Variants in TYMP observed in about 807,000 individuals in gnomAD.
The protein encoded by TYMP is gliostatin.
Under a neutral mutation model 42.3 loss-of-function variants are expected in TYMP, and 46 were observed. That is an observed-to-expected ratio of 1.09 (90% CI 0.86 to 1.39). The LOEUF (loss-of-function observed/expected upper bound fraction) is 1.39, where lower values mean the gene tolerates loss of function less well. Among genes scored for constraint, TYMP ranks in the 40% most tolerant of loss-of-function variants. The pLI is 0.00. For synonymous variants in TYMP, 363 were observed against 308.0 expected, an observed-to-expected ratio of 1.18 and a Z score of -1.87; for missense variants, 837 against 677.6, an observed-to-expected ratio of 1.24 and a Z score of -2.61.
chr22:50,529,415 A>G, intron 2 of TYMP, 77 bp from the exon 3 acceptor site: 1 of 1,602,592 alleles, frequency 6.2e-7, no homozygotes, highest in Non-Finnish European at 8.5e-7. Context: ...GTAGTGGGGC[A>G]CCGTCGCACC....
Position 50,526,232 on chromosome 22 carries a change from C to T in TYMP, c.1159+14G>A, listed in dbSNP as rs778577134. Reference sequence around the variant, plus strand: ...TGGCGGAGGCGGAAGGACGGGGACTCCCCCGACGCTCACCATCTGCGGGCG... The same window carrying T: ...TGGCGGAGGCGGAAGGACGGGGACTTCCCCGACGCTCACCATCTGCGGGCG... On this transcript the variant is annotated intron_variant, in intron 8 of 9. Coordinates refer to ENST00000252029, the MANE Select transcript of TYMP (RefSeq NM_001953.5). 3.9e-6 allele frequency: 6 copies of T among 1,527,260 alleles called. 1 individual carries two copies. The highest frequency in any genetic ancestry group is 1.4e-5 in the African/African-American group (1 of 70,330). The allele number at this position is 1,527,260 out of a possible 1,614,324, so 94.6% of individuals were successfully genotyped here.
At position 50,529,316 on chromosome 22, in the gene TYMP, T is replaced by A. The variant is rs2069504074; in HGVS notation, c.237A>T (p.Arg79=). 3.1e-6 allele frequency: 5 copies of A among 1,613,332 alleles called. No individual in the cohort carries two copies. The highest frequency in any genetic ancestry group is 4.2e-6 in the Non-Finnish European group (5 of 1,179,970). ...AQIGAMLMAI[R]LRGMDLEETS... is the part of the protein sequence containing the mutation. ...TCTCCTCCAGATCCATGCCCCGAAG[T>A]CGGATGGCCATCAGCATGGCCCCTG... Residue 79 remains arginine, a synonymous_variant, in exon 3 of 10, where the codon CGA becomes CGT. Transcript: ENST00000252029.
chr22:50,529,856 G>A, intron 1 of TYMP, 48 bp downstream of exon 1: 1 of 756,482 alleles, frequency 1.3e-6, no homozygotes, highest in Non-Finnish European at 2.1e-6. Flanking sequence ...GCCCTCGTCC[G>A]TGTCTGCCTC....
At position 50,527,240 on chromosome 22, in the gene TYMP, C is replaced by G. The variant is rs747774885; in HGVS notation, c.690G>C (p.Leu230=). ...SKKLVEGLSA[L]VVDVKFGGAA... is the part of the protein sequence containing the mutation. ...CCCCTCCGAACTTAACGTCCACCAC[C>G]AGAGCGGACAGCCCCTCCACGAGTT... Residue 230 remains leucine (L), a synonymous_variant, in exon 6 of 10, where the codon CTG becomes CTC. Coordinates refer to ENST00000252029, the MANE Select transcript of TYMP (RefSeq NM_001953.5). The G allele has an allele frequency of 3.7e-6, 6 of 1,613,608 alleles. No homozygotes were observed. The African/African-American group carries it at 8.0e-5, about 22-fold the overall frequency.
In TYMP at chr22:50,529,719, C is replaced by T. The variant is rs1323544073; in HGVS notation, c.-10G>A. ...TCATCAAGGCTGCCATCGCTCCGGG[C>T]CTGCGGGGATGCCTGACACGTCCGG... is the stretch of plus-strand genomic sequence containing the variant. On this transcript the variant is annotated splice_region_variant and 5_prime_UTR_variant, in exon 2 of 10. Coordinates refer to ENST00000252029, the MANE Select transcript of TYMP (RefSeq NM_001953.5). The T allele has an allele frequency of 1.2e-6, 2 of 1,605,200 alleles. No individual in the cohort carries two copies. The highest frequency in any genetic ancestry group is 8.5e-7 in the Non-Finnish European group (1 of 1,176,638).
intron 3 of TYMP, 178 bp downstream of exon 3, chr22:50,528,958 C>T (rs760765325): frequency 3.4e-5 from 25 of 735,412 alleles, no homozygotes; most frequent in Non-Finnish European, 5.8e-5. Flanking sequence ...CAGAGGGGCC[C>T]CAAGCGCTGT....
intron 2 of TYMP, 52 bp downstream of exon 2, chr22:50,529,444 C>T: frequency 6.2e-7 from 1 of 1,608,998 alleles, no homozygotes; most frequent in Non-Finnish European, 8.5e-7. Flanking sequence ...CCCAAAGTCT[C>T]TCGGGCTGAC....
intron 4 of TYMP, 135 bp downstream of exon 4, chr22:50,528,358 ACTGATGATTTCGGCCCAGG>A: frequency 1.4e-6 from 1 of 732,020 alleles, no homozygotes; most frequent in South Asian, 1.5e-5. Context: ...TCAAAGTTCC[ACTGATGATTTCGGCCCAGG>A]CCCAGTGACT....
At position 50,527,047 on chromosome 22, in the gene TYMP, G is replaced by A. The variant is rs555815678; in HGVS notation, c.765+118C>T. 125 of 864,550 alleles carry A rather than the reference G, an allele frequency of 1.4e-4. No homozygotes were observed. In the East Asian group the frequency reaches 2.5e-3, roughly 18 times the overall value. 53.6% of individuals were successfully genotyped at this position (864,550 alleles called of 1,614,324 possible). ...GAGGGAGGGACTTCGGGCAGAAGAG[G>A]GTGGGACTGGGGTTAGGCAGGACTG... On this transcript the variant is annotated intron_variant, in intron 6 of 9. Transcript: ENST00000252029.
Position 50,525,868 on chromosome 22 carries a change from G to C in TYMP, c.1351C>G (p.Gln451Glu). The change falls in exon 10 of 10, where the codon CAG becomes GAG. Residue 451 changes from glutamine to glutamate, a missense_variant. Gln to Glu is a conservative substitution (Grantham distance 29). Transcript: ENST00000252029. ...HRDGPALSGP[Q>E]SRALQEALVL... ...AGCGCCTCCTGCAGGGCGCGGCTCT[G>C]CGGGCCGCTGAGCGCGGGGCCGTCC... 6.3e-7 allele frequency: 1 copy of C among 1,595,210 alleles called. No homozygotes were observed. The highest frequency in any genetic ancestry group is 8.5e-7 in the Non-Finnish European group (1 of 1,171,722).
At chr22:50,527,363 G>T (rs1223222331) in intron 5 of TYMP, 80 bp from the exon 6 acceptor site, 2 of 1,358,566 alleles carry the variant, frequency 1.5e-6, no homozygotes, top group Non-Finnish European at 2.1e-6. Context: ...CGACTTTGGG[G>T]TCAGGGGCCC....
In TYMP at chr22:50,527,298, G is replaced by A. The variant is rs2069426038; in HGVS notation, c.647-15C>T. 6.3e-7 allele frequency: 1 copy of A among 1,592,410 alleles called. No homozygotes were observed. The highest frequency in any genetic ancestry group is 8.6e-7 in the Non-Finnish European group (1 of 1,160,666). ...GAGAATGGAGGCTTTGGGGGAGGCA[G>A]AGGAGGTTGGAGACAATGGAGAACC... On this transcript the variant is annotated splice_polypyrimidine_tract_variant and intron_variant, in intron 5 of 9. Transcript: ENST00000252029.
At chr22:50,526,554 C>T (rs576762438) in intron 7 of TYMP, 22 bp downstream of exon 7, 5 of 1,557,280 alleles carry the variant, frequency 3.2e-6, no homozygotes, top group South Asian at 2.4e-5. Context: ...GCCTCCGCTC[C>T]CCTACACCCC....
rs1015150419 is a variant in TYMP at position 50,525,870 on chromosome 22, G to T, written c.1349C>A (p.Pro450Gln). ...VHRDGPALSGPQSRALQEALV... is the reference protein window; with the variant it reads ...VHRDGPALSGQQSRALQEALV... ...CGCCTCCTGCAGGGCGCGGCTCTGC[G>T]GGCCGCTGAGCGCGGGGCCGTCCCG... The change falls in exon 10 of 10, where the codon CCG becomes CAG. Residue 450 changes from proline (P) to glutamine (Q), a missense_variant. Physicochemically the swap from Pro to Gln is moderately conservative, Grantham distance 76. Coordinates refer to ENST00000252029, the MANE Select transcript of TYMP (RefSeq NM_001953.5). The T allele has an allele frequency of 1.3e-6, 2 of 1,593,870 alleles. No homozygotes were observed. Among genetic ancestry groups the T allele is most frequent in the Admixed American group, 1.7e-5 (1 of 57,210 alleles).
In TYMP at chr22:50,529,950, G is replaced by A; in HGVS notation, c.-57C>T. On this transcript the variant is annotated 5_prime_UTR_variant, in exon 1 of 10. Transcript: ENST00000252029. ...CCCGCTTGCTCCGGATCCCAGCCCA[G>A]GTACCCGGCCTCGCCCGCGGGTCGG... The A allele has an allele frequency of 1.7e-6, 1 of 584,402 alleles. No individual in the cohort carries two copies. The highest frequency in any genetic ancestry group is 3.0e-6 in the Non-Finnish European group (1 of 327,982). 36.2% of individuals were successfully genotyped at this position (584,402 alleles called of 1,614,324 possible).
rs121913042 is a variant in TYMP, at chr22:50,526,650, A to G, written c.854T>C (p.Leu285Pro). The change falls in exon 7 of 10, where the codon CTG becomes CCG. Residue 285 changes from leucine (L) to proline (P), a missense_variant. Leu to Pro is a moderately conservative substitution (Grantham distance 98). Transcript: ENST00000252029. ...GCAGAGCAGCGCCTCCTCCACCTCCAGGGCGTGGCCCACGCAGCGACCCAG... is the reference window on the plus strand; with the variant it reads ...GCAGAGCAGCGCCTCCTCCACCTCCGGGGCGTGGCCCACGCAGCGACCCAG... Reference protein sequence around the residue: ...KPLGRCVGHALEVEEALLCMD... With the variant: ...KPLGRCVGHAPEVEEALLCMD... 4.5e-6 allele frequency: 7 copies of G among 1,563,966 alleles called. No individual in the cohort carries two copies. Among genetic ancestry groups the G allele is most frequent in the Non-Finnish European group, 6.1e-6 (7 of 1,156,726 alleles).
chr22:50,527,043 A>G, intron 6 of TYMP, 122 bp downstream of exon 6: 1 of 851,344 alleles, frequency 1.2e-6, no homozygotes, highest in Non-Finnish European at 2.0e-6. Context: ...TTCGGGCAGA[A>G]GAGGGTGGGA....
chr22:50,526,453 C>G lies in TYMP; in HGVS notation c.952G>C (p.Gly318Arg), dbSNP rs1412132331. 1.3e-5 allele frequency: 19 copies of G among 1,494,408 alleles called. No homozygotes were observed. In the East Asian group the frequency reaches 3.7e-4, roughly 29 times the overall value. 92.6% of individuals were successfully genotyped at this position (1,494,408 alleles called of 1,614,324 possible). A position where few individuals can be genotyped will look rare whatever the true frequency, so the allele number is the denominator to read the frequency against. Residue 318 changes from glycine to arginine, a missense_variant, in exon 8 of 10, where the codon GGA becomes CGA. Coordinates refer to ENST00000252029, the MANE Select transcript of TYMP (RefSeq NM_001953.5). ...CCCTGGGCCTGAGTCCCCGCGTGTCCGCTGAGCCAGAGCAGGGCGCCCCCT... is the reference window on the plus strand; with the variant it reads ...CCCTGGGCCTGAGTCCCCGCGTGTCGGCTGAGCCAGAGCAGGGCGCCCCCT... ...TLGGALLWLS[G>R]HAGTQAQGAA...
intron 9 of TYMP, 26 bp downstream of exon 9, chr22:50,525,975 G>A (rs970358323): frequency 1.6e-5 from 22 of 1,386,802 alleles, no homozygotes; most frequent in East Asian, 3.0e-5. Context: ...GGGGTGCGGG[G>A]CCAGCAGGGC....
Sources: gnomAD v4.1 joint callset for allele counts on GRCh38, gnomAD v4.1.1 for gene constraint, MANE v1.5 for transcripts, NCBI Gene and HGNC (gene_info 2026-07-23, HGNC 2026-07-21) for gene names.